MID1: variants seen among roughly 807,000 people sequenced by gnomAD.
The protein encoded by MID1 is midline 1.
Under a neutral mutation model 40.4 loss-of-function variants are expected in MID1, and 7 were observed. That is an observed-to-expected ratio of 0.17 (90% CI 0.10 to 0.33). The LOEUF is 0.33. Ranked by LOEUF, MID1 falls within the 10% of genes least tolerant of loss-of-function variation. The probability of loss-of-function intolerance (pLI) is 1.00; values close to 1 mark genes in which losing one functional copy is unlikely to be tolerated. For missense variants in MID1, 367 were observed against 558.5 expected, an observed-to-expected ratio of 0.66 and a Z score of 3.46; for synonymous variants, 229 against 221.2, an observed-to-expected ratio of 1.04 and a Z score of -0.31.
At chrX:10,717,046 A>G (rs2043309212) in intron 1 of MID1, among the ~76,000 whole-genome samples, 1 of 112,057 alleles carries the variant, frequency 8.9e-6, no homozygotes, top group Admixed American at 9.5e-5. Flanking sequence ...TGAAGGAAGC[A>G]CTAAACATGG....
chrX:10,544,031 G>T (rs146103878), intron 2 of MID1, among the ~76,000 whole-genome samples: 2 of 110,967 alleles, frequency 1.8e-5, no homozygotes, highest in East Asian at 5.7e-4. Flanking sequence ...CAAACAAAAT[G>T]TACTCAGGCT....
intron 1 of MID1, among the ~76,000 whole-genome samples, chrX:10,758,262 A>G (rs757571702): frequency 5.8e-4 from 63 of 108,415 alleles, no homozygotes; most frequent in South Asian, 2.4e-3. Context: ...GGTGTGAGCT[A>G]CTGCACCTGG....
At chrX:10,752,234 C>T (rs772576109) in intron 1 of MID1, among the ~76,000 whole-genome samples, 2 of 112,186 alleles carry the variant, frequency 1.8e-5, no homozygotes, top group Non-Finnish European at 3.8e-5. Context: ...CATAGGAAGC[C>T]AGGGAGCTTC....
intron 1 of MID1, among the ~76,000 whole-genome samples, chrX:10,755,774 A>T (rs1168339444): frequency 8.9e-6 from 1 of 112,104 alleles, no homozygotes; most frequent in Non-Finnish European, 1.9e-5. Flanking sequence ...GAGGCATATG[A>T]AGAACAGCCC....
intron 1 of MID1, among the ~76,000 whole-genome samples, chrX:10,762,763 A>G (rs1003556694): frequency 5.4e-5 from 6 of 111,368 alleles, no homozygotes; most frequent in African/African-American, 2.0e-4. Context: ...TTGAAGGAAA[A>G]TCAAGCAGAG....
At chrX:10,809,672 G>A (rs189219565) in intron 1 of MID1, among the ~76,000 whole-genome samples, 293 of 107,682 alleles carry the variant, frequency 2.7e-3, no homozygotes, top group African/African-American at 9.5e-3. Context: ...GCAAACTGTC[G>A]CAAGGACAGA....
At chrX:10,725,171 A>G (rs2043381336) in intron 1 of MID1, among the ~76,000 whole-genome samples, 2 of 111,942 alleles carry the variant, frequency 1.8e-5, no homozygotes, top group Admixed American at 1.9e-4. Flanking sequence ...CACTAAGAGT[A>G]GCAAATTCCT....
At position 10,759,452 on chromosome X, in the gene MID1, G is replaced by C. The variant is rs750847488; in HGVS notation, c.-187+74102C>G. Among the ~76,000 whole-genome samples, 8 of 111,604 alleles carry C rather than the reference G, an allele frequency of 7.2e-5. No individual in the cohort carries two copies. The South Asian group carries it at 3.1e-3, about 43-fold the overall frequency. ...CCCAAAGTGAAGTGAGATGAGAAACGCTTCTGGTGATCTATGCCAGTGACG... is the reference window on the plus strand; with the variant it reads ...CCCAAAGTGAAGTGAGATGAGAAACCCTTCTGGTGATCTATGCCAGTGACG... On this transcript the variant is annotated intron_variant, in intron 1 of 10. Transcript: ENST00000380785.
At chrX:10,674,957 G>A (rs1371472176) in intron 1 of MID1, among the ~76,000 whole-genome samples, 1 of 112,435 alleles carries the variant, frequency 8.9e-6, no homozygotes, top group Non-Finnish European at 1.9e-5. Flanking sequence ...CAATGTGCAT[G>A]CAAAGAAACT....
intron 1 of MID1, among the ~76,000 whole-genome samples, chrX:10,687,386 AAAC>A (rs967997300): frequency 1.8e-5 from 2 of 112,171 alleles, no homozygotes; most frequent in Non-Finnish European, 3.8e-5. Flanking sequence ...TGATTTTCTC[AAAC>A]AACTGTATCG....
chrX:10,451,039 T>C (rs1247209519), intron 9 of MID1, among the ~76,000 whole-genome samples: 1 of 111,744 alleles, frequency 8.9e-6, no homozygotes, highest in East Asian at 2.8e-4. Flanking sequence ...TAAAATACAA[T>C]CACTTTAAGA....
chrX:10,546,391 A>G (rs1333272013), intron 2 of MID1, among the ~76,000 whole-genome samples: 2 of 112,317 alleles, frequency 1.8e-5, no homozygotes, highest in Admixed American at 9.4e-5. Flanking sequence ...GCCATTTATA[A>G]ATCATCGTTC....
chrX:10,467,852 A>G (rs186833802), intron 7 of MID1, among the ~76,000 whole-genome samples: 8 of 111,689 alleles, frequency 7.2e-5, no homozygotes, highest in Admixed American at 5.7e-4. Context: ...CTCTATCTTC[A>G]TTTCTCACTG....
chrX:10,807,129 C>T (rs2044053784), intron 1 of MID1, among the ~76,000 whole-genome samples: 1 of 110,108 alleles, frequency 9.1e-6, no homozygotes, highest in Admixed American at 9.7e-5. Flanking sequence ...CCTGTAATCC[C>T]AGCTACTCGG....
intron 1 of MID1, among the ~76,000 whole-genome samples, chrX:10,671,424 T>C (rs1431200672): frequency 2.7e-5 from 3 of 112,226 alleles, no homozygotes; most frequent in African/African-American, 6.5e-5. Flanking sequence ...AGAGGGTTGA[T>C]ATGAAAATTA....
intron 1 of MID1, among the ~76,000 whole-genome samples, chrX:10,666,065 G>A (rs183507566): frequency 9.3e-6 from 1 of 107,971 alleles, no homozygotes; most frequent in Admixed American, 1.0e-4. Context: ...GAGTGAAAAC[G>A]CAAGACACGA....
chrX:10,459,547 T>C (rs1928895113), intron 8 of MID1, 99 bp downstream of exon 8: 6 of 960,554 alleles, frequency 6.2e-6, no homozygotes, highest in Non-Finnish European at 5.9e-6. Flanking sequence ...GGGCTGTCAA[T>C]GATACCCAAG....
chrX:10,757,070 G>A (rs181484736), intron 1 of MID1, among the ~76,000 whole-genome samples: 25 of 112,021 alleles, frequency 2.2e-4, no homozygotes, highest in African/African-American at 7.8e-4. Flanking sequence ...GGTGGTCCTT[G>A]AACTTGGGCA....
chrX:10,626,465 A>G (rs1487069347), intron 1 of MID1, among the ~76,000 whole-genome samples: 2 of 110,357 alleles, frequency 1.8e-5, no homozygotes, highest in Non-Finnish European at 3.8e-5. Context: ...TCAGCCTCCC[A>G]AGTAGCTGGG....
Sources: gnomAD v4.1 joint callset for allele counts (sites outside exome capture counted in the v4.1 genomes callset) on GRCh38, gnomAD v4.1.1 for gene constraint, MANE v1.5 for transcripts, NCBI Gene and HGNC (gene_info 2026-07-23, HGNC 2026-07-21) for gene names.